The following COMMD10 variants were observed in gnomAD, a reference collection of about 807,000 sequenced individuals.
COMMD10 encodes the protein COMM domain-containing protein 10.
COMMD10 carries 33 observed loss-of-function variants against 28.9 expected under a neutral mutation model. The observed-to-expected ratio is 1.14, with a 90% CI of 0.87 to 1.53. The LOEUF (loss-of-function observed/expected upper bound fraction) is 1.53. COMMD10 is among the 40% of genes most tolerant of loss of function. COMMD10 has a pLI of 0.00. For missense variants in COMMD10, 310 were observed against 233.4 expected (o/e 1.33, Z -2.14); for synonymous variants, 110 against 81.7 (o/e 1.35, Z -1.87).
intron 5 of COMMD10, among the ~76,000 whole-genome samples, chr5:116,277,964 A>T (rs1034406057): frequency 6.6e-6 from 1 of 151,864 alleles, no homozygotes; most frequent in Non-Finnish European, 1.5e-5. Flanking sequence ...AGAGAAACCT[A>T]AATTTGAATG....
At chr5:116,121,118 G>A (rs1751416980) in intron 4 of COMMD10, among the ~76,000 whole-genome samples, 1 of 151,988 alleles carries the variant, frequency 6.6e-6, no homozygotes, top group South Asian at 2.1e-4. Context: ...TTCTCCTAAT[G>A]CTCTCCTTCC....
At chr5:116,141,685 G>T (rs2112782260) in intron 5 of COMMD10, among the ~76,000 whole-genome samples, 1 of 151,866 alleles carries the variant, frequency 6.6e-6, no homozygotes, top group South Asian at 2.1e-4. Context: ...ATAGTAGCGG[G>T]GGGCTGGGAA....
At chr5:116,102,090 T>G (rs1480432875) in intron 4 of COMMD10, among the ~76,000 whole-genome samples, 1 of 152,222 alleles carries the variant, frequency 6.6e-6, no homozygotes, top group Non-Finnish European at 1.5e-5. Context: ...TATTTTTATT[T>G]TTGTTTTCTG....
chr5:116,209,834 G>A lies in COMMD10; in HGVS notation c.510+75656G>A, dbSNP rs188342062. 6.6e-5 allele frequency among the ~76,000 whole-genome samples: 10 copies of A among 152,224 alleles called. No homozygotes were observed. The East Asian group carries it at 1.9e-3, about 29-fold the overall frequency. On this transcript the variant is annotated intron_variant, in intron 5 of 6. Coordinates refer to ENST00000274458, the MANE Select transcript of COMMD10 (RefSeq NM_016144.4). ...GATATTGTCAGCTACTCATTCACAA[G>A]AATGGTGACATCTTAATTTTAAAAA...
intron 4 of COMMD10, among the ~76,000 whole-genome samples, chr5:116,101,341 T>C (rs897920042): frequency 6.6e-6 from 1 of 152,138 alleles, no homozygotes; most frequent in Non-Finnish European, 1.5e-5. Flanking sequence ...GAGTTCCCTT[T>C]TCTATACTAT....
chr5:116,212,049 C>T (rs1350036529), intron 5 of COMMD10, among the ~76,000 whole-genome samples: 1 of 152,124 alleles, frequency 6.6e-6, no homozygotes, highest in Non-Finnish European at 1.5e-5. Context: ...GTGCCCTGTA[C>T]ACATCATACA....
At chr5:116,248,919 C>T (rs563008094) in intron 5 of COMMD10, among the ~76,000 whole-genome samples, 2 of 152,052 alleles carry the variant, frequency 1.3e-5, no homozygotes, top group East Asian at 3.9e-4. Flanking sequence ...TTACTGACAT[C>T]TTGTTTGAAC....
intron 5 of COMMD10, among the ~76,000 whole-genome samples, chr5:116,149,205 G>A (rs7720507): frequency 0.28 from 38,296 of 138,812 alleles, 7,563 homozygotes; most frequent in African/African-American, 0.58. Flanking sequence ...TTATGGCTGC[G>A]TAGTATTCCA....
chr5:116,283,062 T>G (rs1219923263), intron 5 of COMMD10, among the ~76,000 whole-genome samples: 1 of 151,892 alleles, frequency 6.6e-6, no homozygotes, highest in Non-Finnish European at 1.5e-5. Context: ...TTATCCTGCT[T>G]TATTCTCCCT....
intron 5 of COMMD10, among the ~76,000 whole-genome samples, chr5:116,160,270 GGAC>G (rs1169761612): frequency 6.6e-6 from 1 of 152,090 alleles, no homozygotes; most frequent in East Asian, 1.9e-4. Flanking sequence ...ACTGTTTTGA[GGAC>G]AAACTATGAG....
chr5:116,217,959 G>T, intron 5 of COMMD10: 1 of 788,926 alleles, frequency 1.3e-6, no homozygotes, highest in Non-Finnish European at 2.2e-6. Flanking sequence ...ATAAAACTTG[G>T]TAAAAATAGT....
chr5:116,258,921 C>G (rs577608251), intron 5 of COMMD10, among the ~76,000 whole-genome samples: 32 of 151,542 alleles, frequency 2.1e-4, no homozygotes, highest in African/African-American at 6.8e-4. Flanking sequence ...CCGTTTTATT[C>G]TTTTTTTCAG....
intron 4 of COMMD10, among the ~76,000 whole-genome samples, chr5:116,133,450 A>G (rs1348279284): frequency 6.6e-6 from 1 of 152,152 alleles, no homozygotes; most frequent in Non-Finnish European, 1.5e-5. Context: ...AACGATAGTA[A>G]GAGTACCTTG....
At chr5:116,127,232 C>T (rs545288704) in intron 4 of COMMD10, among the ~76,000 whole-genome samples, 156 of 152,188 alleles carry the variant, frequency 1.0e-3, no homozygotes, top group South Asian at 4.1e-3. Flanking sequence ...TGAGATACCA[C>T]CTCACACCAG....
At chr5:116,176,965 C>CA (rs1491561650) in intron 5 of COMMD10, among the ~76,000 whole-genome samples, 1 of 152,082 alleles carries the variant, frequency 6.6e-6, no homozygotes, top group Non-Finnish European at 1.5e-5. Context: ...AGTTAGAGTT[C>CA]AGACCTTGTT....
intron 4 of COMMD10, among the ~76,000 whole-genome samples, chr5:116,115,981 T>G (rs777352819): frequency 2.0e-5 from 3 of 152,182 alleles, no homozygotes; most frequent in South Asian, 4.1e-4. Context: ...CTGTCTAGTT[T>G]GAATGTTTAG....
chr5:116,206,378 C>A (rs1017991739), intron 5 of COMMD10, among the ~76,000 whole-genome samples: 5 of 151,920 alleles, frequency 3.3e-5, no homozygotes, highest in African/African-American at 1.2e-4. Context: ...TGGTCGGGCA[C>A]GGTGGCTCAT....
chr5:116,266,222 A>G lies in COMMD10; in HGVS notation c.511-25295A>G, dbSNP rs1001013. On this transcript the variant is annotated intron_variant, in intron 5 of 6. Transcript: ENST00000274458. Reference sequence around the variant, plus strand: ...TAATTTGACTATATGAAAAAGAAAAATATTTATACCTATGCAGACCTTTGA... The same window carrying G: ...TAATTTGACTATATGAAAAAGAAAAGTATTTATACCTATGCAGACCTTTGA... Among the ~76,000 whole-genome samples the G allele has an allele frequency of 4.8e-3, 726 of 151,838 alleles. 7 individuals are homozygous for G. The highest frequency in any genetic ancestry group is 0.01 in the Middle Eastern group (3 of 294).
chr5:116,243,616 CAG>C (rs1343744485), intron 5 of COMMD10, among the ~76,000 whole-genome samples: 1 of 152,112 alleles, frequency 6.6e-6, no homozygotes, highest in East Asian at 1.9e-4. Context: ...ACTGCTACAT[CAG>C]AAAGTCGAAG....
Sources: gnomAD v4.1 joint callset for allele counts (sites outside exome capture counted in the v4.1 genomes callset) on GRCh38, gnomAD v4.1.1 for gene constraint, MANE v1.5 for transcripts, NCBI Gene and HGNC (gene_info 2026-07-23, HGNC 2026-07-21) for gene names.